The following CUL3 variants were observed in gnomAD, a reference collection of about 807,000 sequenced individuals.
The protein encoded by CUL3 is cullin 3.
In CUL3, 19 loss-of-function variants were observed where a neutral mutation model predicts 89.1. The ratio of observed to expected loss-of-function variants is 0.21; its 90% CI spans 0.15 to 0.31. The LOEUF (loss-of-function observed/expected upper bound fraction) is 0.31, where lower values mean the gene tolerates loss of function less well. Among genes scored for constraint, CUL3 ranks in the 10% least tolerant of loss-of-function variants. The probability of loss-of-function intolerance (pLI) is 1.00; values close to 1 mark genes in which losing one functional copy is unlikely to be tolerated. For missense variants in CUL3, 469 were observed against 942.3 expected (o/e 0.50, Z 6.58); for synonymous variants, 351 against 308.4 (o/e 1.14, Z -1.45).
intron 6 of CUL3, among the ~76,000 whole-genome samples, chr2:224,509,832 A>C (rs983939427): frequency 1.4e-4 from 22 of 152,268 alleles, no homozygotes; most frequent in African/African-American, 5.3e-4. Flanking sequence ...TTGTTTAAGC[A>C]GGGCAAATGC....
At chr2:224,537,502 T>C (rs905476567) in intron 2 of CUL3, among the ~76,000 whole-genome samples, 5 of 152,174 alleles carry the variant, frequency 3.3e-5, no homozygotes, top group African/African-American at 4.8e-5. Context: ...GAAATACTTA[T>C]ACAAAATGAA....
At chr2:224,543,174 CAG>C (rs1024183853) in intron 2 of CUL3, among the ~76,000 whole-genome samples, 9 of 152,232 alleles carry the variant, frequency 5.9e-5, no homozygotes, top group Non-Finnish European at 8.8e-5. Context: ...GAAACTAAAA[CAG>C]AGTCACATAA....
intron 3 of CUL3, among the ~76,000 whole-genome samples, chr2:224,532,475 A>T (rs78091537): frequency 0.013 from 1,996 of 151,326 alleles, 33 homozygotes; most frequent in African/African-American, 0.04. Flanking sequence ...AAAAAAAAAA[A>T]CAAGGAGAAT....
At chr2:224,482,171 G>C in intron 13 of CUL3, 93 bp from the exon 14 acceptor site, 1 of 876,224 alleles carries the variant, frequency 1.1e-6, no homozygotes, top group Non-Finnish European at 1.7e-6. Context: ...GTTAAAAAGA[G>C]GTAATTCCAT....
chr2:224,480,062 C>A (rs1304398371), intron 14 of CUL3: 1 of 152,400 alleles, frequency 6.6e-6, no homozygotes, highest in Non-Finnish European at 1.5e-5. Context: ...CTATATATGA[C>A]CTATATGCAC....
chr2:224,487,492 T>C lies in CUL3; in HGVS notation c.1843-5414A>G, dbSNP rs1347834945. On this transcript the variant is annotated intron_variant, in intron 13 of 15. Transcript: ENST00000264414. The stretch of plus-strand genomic sequence containing the variant: ...CAGGGGTTGCAATCCTAGTCTCTGA[T>C]AAAAAAAGACAAAGAAGGGCATTAC... Among the ~76,000 whole-genome samples, 25 of 90,170 alleles carry C rather than the reference T, an allele frequency of 2.8e-4. 1 individual carries two copies. The Admixed American group carries it at 3.0e-3, about 11-fold the overall frequency. The allele number at this position is 90,170 out of a possible 152,430, so 59.2% of individuals were successfully genotyped here. A position where few individuals can be genotyped will look rare whatever the true frequency, so the allele number is the denominator to read the frequency against.
At chr2:224,531,984 G>T (rs1693711926) in intron 3 of CUL3, among the ~76,000 whole-genome samples, 1 of 152,170 alleles carries the variant, frequency 6.6e-6, no homozygotes, top group Non-Finnish European at 1.5e-5. Context: ...AGAGAAAACT[G>T]GAGAGTCTAG....
At chr2:224,495,994 A>G (rs1284196043) in intron 12 of CUL3, 28 bp from the exon 13 acceptor site, 1 of 1,608,144 alleles carries the variant, frequency 6.2e-7, no homozygotes, top group African/African-American at 1.3e-5. Flanking sequence ...AAATATAAAC[A>G]AAGACACAAT....
At chr2:224,492,184 C>T (rs999387810) in intron 13 of CUL3, among the ~76,000 whole-genome samples, 9 of 152,118 alleles carry the variant, frequency 5.9e-5, no homozygotes, top group Non-Finnish European at 1.2e-4. Context: ...GTTCAAAGTT[C>T]GCTAAACAGC....
intron 3 of CUL3, among the ~76,000 whole-genome samples, chr2:224,521,133 T>G (rs993963492): frequency 6.6e-6 from 1 of 152,222 alleles, no homozygotes; most frequent in African/African-American, 2.4e-5. Flanking sequence ...AGTAAATATT[T>G]TTAATAGTCA....
At chr2:224,570,066 A>G (rs1695148868) in intron 1 of CUL3, among the ~76,000 whole-genome samples, 1 of 151,892 alleles carries the variant, frequency 6.6e-6, no homozygotes, top group Non-Finnish European at 1.5e-5. Context: ...TCCCTCCCAA[A>G]CTGTAAGCAC....
At position 224,473,927 on chromosome 2, in the gene CUL3, T is replaced by C. The variant is rs1691220508; in HGVS notation, c.*318A>G. 1.3e-5 allele frequency: 3 copies of C among 238,314 alleles called. No homozygotes were observed. The highest frequency in any genetic ancestry group is 6.3e-5 in the East Asian group (1 of 15,894). 14.8% of individuals were successfully genotyped at this position (238,314 alleles called of 1,614,324 possible). A position where few individuals can be genotyped will look rare whatever the true frequency, so the allele number is the denominator to read the frequency against. On this transcript the variant is annotated 3_prime_UTR_variant, in exon 16 of 16. Transcript: ENST00000264414. ...GGGGAAATGAAATCCAACAATTTTA[T>C]TGTAATGAGCTGTATTTTCTAAATT...
chr2:224,503,622 G>A (rs771023761), intron 9 of CUL3, 30 bp downstream of exon 9: 1 of 1,513,116 alleles, frequency 6.6e-7, no homozygotes, highest in Non-Finnish European at 8.9e-7. Flanking sequence ...TCAGTTAGGT[G>A]CACTCTATTT....
chr2:224,553,018 T>G (rs1339994550), intron 2 of CUL3, among the ~76,000 whole-genome samples: 2 of 152,222 alleles, frequency 1.3e-5, no homozygotes, highest in Admixed American at 6.5e-5. Context: ...TTTTGCACAT[T>G]GTATCAGTAA....
intron 3 of CUL3, among the ~76,000 whole-genome samples, chr2:224,531,271 A>G (rs2106255852): frequency 6.6e-6 from 1 of 152,070 alleles, no homozygotes; most frequent in African/African-American, 2.4e-5. Context: ...TGTTTTTAGT[A>G]GAGATGGGGT....
At chr2:224,564,553 T>C (rs1694993826) in intron 1 of CUL3, among the ~76,000 whole-genome samples, 1 of 152,234 alleles carries the variant, frequency 6.6e-6, no homozygotes, top group African/African-American at 2.4e-5. Context: ...AATCTCTTAT[T>C]GTTTCTAAAT....
intron 3 of CUL3, among the ~76,000 whole-genome samples, chr2:224,518,050 G>A (rs1334115283): frequency 6.6e-6 from 1 of 152,180 alleles, no homozygotes; most frequent in African/African-American, 2.4e-5. Context: ...CAACTGGTAA[G>A]TGAAGAATAT....
chr2:224,478,260 A>C lies in CUL3; in HGVS notation c.2115T>G (p.Ala705=), dbSNP rs563542831. 6.2e-7 allele frequency: 1 copy of C among 1,613,732 alleles called. No individual in the cohort carries two copies. The highest frequency in any genetic ancestry group is 1.1e-5 in the South Asian group (1 of 91,014). ...TAGATTTCATTATCCGCACTATAGC[A>C]GCTTCTATCTCATGTTTTCTGTCGT... ...VDDDRKHEIE[A]AIVRIMKSRK... is the part of the protein sequence containing the mutation. Residue 705 remains alanine, a synonymous_variant, in exon 15 of 16, where the codon GCT becomes GCG. Coordinates refer to ENST00000264414, the MANE Select transcript of CUL3 (RefSeq NM_003590.5).
At chr2:224,522,753 G>T (rs763781643) in intron 3 of CUL3, among the ~76,000 whole-genome samples, 2 of 151,634 alleles carry the variant, frequency 1.3e-5, no homozygotes, top group Non-Finnish European at 2.9e-5. Flanking sequence ...ATATGAACCC[G>T]GGAGGCGGAG....
Sources: allele counts gnomAD v4.1 joint callset (sites outside exome capture counted in the v4.1 genomes callset), GRCh38; gene constraint gnomAD v4.1.1; transcripts MANE v1.5; gene names NCBI Gene and HGNC (gene_info 2026-07-23, HGNC 2026-07-21).